The following TFRC variants were observed in gnomAD, a reference collection of about 807,000 sequenced individuals.
TFRC encodes transferrin receptor protein 1.
A neutral mutation model predicts 85.8 loss-of-function variants in TFRC; 35 were observed. That is an observed-to-expected ratio of 0.41 (90% CI 0.31 to 0.54). The LOEUF (loss-of-function observed/expected upper bound fraction) is 0.54, where lower values mean the gene tolerates loss of function less well. TFRC is among the 20% of genes least tolerant of loss of function. The pLI is 0.31. For synonymous variants in TFRC, 362 were observed against 328.6 expected (o/e 1.10, Z -1.10); for missense variants, 828 against 921.5 (o/e 0.90, Z 1.31).
intron 4 of TFRC, 100 bp from the exon 5 acceptor site, chr3:196,072,252 C>T (rs1431044630): frequency 2.1e-5 from 30 of 1,445,000 alleles, no homozygotes; most frequent in Non-Finnish European, 2.6e-5. Context: ...AATATTATCC[C>T]TCATAGTTCA....
At position 196,056,904 on chromosome 3, in the gene TFRC, C is replaced by T. The variant is rs139490327; in HGVS notation, c.1677+1380G>A. On this transcript the variant is annotated intron_variant, in intron 16 of 18. Transcript: ENST00000360110. ...TGGCTCCATCTCAGCTCACTGCAACCTCTGCCTCCCAGGTTCAAGCGATTC... is the reference window on the plus strand; with the variant it reads ...TGGCTCCATCTCAGCTCACTGCAACTTCTGCCTCCCAGGTTCAAGCGATTC... Among the ~76,000 whole-genome samples the T allele has an allele frequency of 9.6e-3, 1,454 of 152,186 alleles. 7 individuals are homozygous for T. The highest frequency in any genetic ancestry group is 0.016 in the Non-Finnish European group (1,063 of 68,002).
rs1341988492 is a variant in TFRC, at chr3:196,065,442, C to T, written c.1198+1G>A. ...CGGGGGGGGGGGGGGGCGGTCTTTA[C>T]CTGGTTCTACAAAGCCTTTAATAAC... On this transcript the variant is annotated splice_donor_variant, in intron 10 of 18. Transcript: ENST00000360110. LOFTEE classifies it high-confidence loss of function. The T allele has an allele frequency of 1.3e-6, 1 of 750,756 alleles. No homozygotes were observed. The highest frequency in any genetic ancestry group is 2.0e-6 in the Non-Finnish European group (1 of 506,504). 46.5% of individuals were successfully genotyped at this position (750,756 alleles called of 1,614,324 possible). A position where few individuals can be genotyped will look rare whatever the true frequency, so the allele number is the denominator to read the frequency against.
intron 1 of TFRC, chr3:196,081,696 G>T (rs1274780139): frequency 1.3e-5 from 2 of 152,406 alleles, no homozygotes; most frequent in South Asian, 2.1e-4. Flanking sequence ...CGACAGTGGG[G>T]GTACACCTGG....
At chr3:196,056,097 C>T (rs944822023) in intron 16 of TFRC, among the ~76,000 whole-genome samples, 2 of 152,218 alleles carry the variant, frequency 1.3e-5, no homozygotes, top group Non-Finnish European at 2.9e-5. Flanking sequence ...CGTGGTGATG[C>T]AATCATGGCT....
chr3:196,076,299 G>C (rs1051699168), intron 2 of TFRC, among the ~76,000 whole-genome samples: 1 of 151,692 alleles, frequency 6.6e-6, no homozygotes, highest in Non-Finnish European at 1.5e-5. Flanking sequence ...TCTACTCAAT[G>C]TTTCTTAAAA....
At chr3:196,071,365 A>G (rs1718187447) in intron 6 of TFRC, 31 bp downstream of exon 6, 2 of 1,537,294 alleles carry the variant, frequency 1.3e-6, no homozygotes, top group Admixed American at 1.7e-5. Flanking sequence ...TCAATAGGGA[A>G]GAGTCTCATG....
intron 2 of TFRC, among the ~76,000 whole-genome samples, chr3:196,075,887 G>T (rs980534324): frequency 1.0e-4 from 15 of 146,240 alleles, no homozygotes; most frequent in African/African-American, 3.7e-4. Context: ...GCACTCTGGG[G>T]GGGGCCGAGG....
At chr3:196,053,766 T>A (rs532016307) in intron 17 of TFRC, among the ~76,000 whole-genome samples, 2 of 152,312 alleles carry the variant, frequency 1.3e-5, no homozygotes, top group Admixed American at 1.3e-4. Flanking sequence ...AGAAAACCAT[T>A]CTCATTAAGA....
chr3:196,066,971 G>C (rs1043353623), intron 9 of TFRC, among the ~76,000 whole-genome samples: 2 of 152,152 alleles, frequency 1.3e-5, no homozygotes, highest in Non-Finnish European at 2.9e-5. Context: ...TAATGGAACT[G>C]GGCTCTGTTT....
At chr3:196,054,741 C>T (rs963379031) in intron 17 of TFRC, among the ~76,000 whole-genome samples, 1 of 152,202 alleles carries the variant, frequency 6.6e-6, no homozygotes, top group African/African-American at 2.4e-5. Flanking sequence ...TGCTGTCTTT[C>T]CATCCGGGTC....
In TFRC at chr3:196,071,511, T is replaced by G. The variant is rs749959938; in HGVS notation, c.585-13A>C. The stretch of plus-strand genomic sequence containing the variant: ...CGAGTTTTGAGCGCTGTTAAAAAGA[T>G]TAAGTTAAAATAAGCCTAAGGTCAT... On this transcript the variant is annotated splice_polypyrimidine_tract_variant and intron_variant, in intron 5 of 18. Coordinates refer to ENST00000360110, the MANE Select transcript of TFRC (RefSeq NM_001128148.3). 1.4e-4 allele frequency: 218 copies of G among 1,612,754 alleles called. 1 individual carries two copies. Among genetic ancestry groups the G allele is most frequent in the Non-Finnish European group, 1.8e-4 (209 of 1,178,928 alleles).
chr3:196,054,446 A>G (rs1025501542), intron 17 of TFRC, among the ~76,000 whole-genome samples: 3 of 152,168 alleles, frequency 2.0e-5, no homozygotes, highest in Admixed American at 6.5e-5. Flanking sequence ...AAAAGATATA[A>G]AAAGATTCGG....
At chr3:196,060,293 T>G in intron 13 of TFRC, 46 bp from the exon 14 acceptor site, 2 of 1,479,538 alleles carry the variant, frequency 1.4e-6, no homozygotes, top group Non-Finnish European at 1.9e-6. Context: ...ATTCCGATAA[T>G]TTTCACACTG....
chr3:196,079,369 T>C (rs1401933507), intron 1 of TFRC, among the ~76,000 whole-genome samples: 1 of 151,950 alleles, frequency 6.6e-6, no homozygotes, highest in East Asian at 1.9e-4. Context: ...AGCAACACTT[T>C]GGGAGGCCGA....
In TFRC at chr3:196,060,256, A is replaced by G. The variant is rs758174928; in HGVS notation, c.1469-9T>C. ...CTTGAAGTTGCTGGTACCTGAAAAT[A>G]AATTGTTTTATCATTGCCCCTTCTC... On this transcript the variant is annotated splice_polypyrimidine_tract_variant and intron_variant, in intron 13 of 18. Coordinates refer to ENST00000360110, the MANE Select transcript of TFRC (RefSeq NM_001128148.3). 7 of 1,613,148 alleles carry G rather than the reference A, an allele frequency of 4.3e-6. No individual in the cohort carries two copies. In the East Asian group the frequency reaches 1.1e-4, roughly 26 times the overall value.
At chr3:196,057,236 AGTTAT>A (rs1469307505) in intron 16 of TFRC, among the ~76,000 whole-genome samples, 1 of 152,208 alleles carries the variant, frequency 6.6e-6, no homozygotes, top group Non-Finnish European at 1.5e-5. Context: ...TGACCTAACC[AGTTAT>A]GTTATCTATA....
rs777181863 is a variant in TFRC at position 196,052,159 on chromosome 3, T to C, written c.2066A>G (p.Tyr689Cys). The stretch of plus-strand genomic sequence containing the variant: ...GAAAGGAGACTCTTTTGGAGATACG[T>C]AGGGAGAGAGGAAGTGATACTCCAC... ...MRVEYHFLSP[Y>C]VSPKESPFRH... The change falls in exon 19 of 19, where the codon TAC (tyrosine) becomes TGC (cysteine). Residue 689 changes from tyrosine to cysteine, a missense_variant. Tyr to Cys is a radical substitution (Grantham distance 194). Transcript: ENST00000360110. 21 of 1,613,818 alleles carry C rather than the reference T, an allele frequency of 1.3e-5. No homozygotes were observed. The highest frequency in any genetic ancestry group is 5.3e-5 in the African/African-American group (4 of 74,858).
At chr3:196,078,944 T>C (rs1271669342) in intron 1 of TFRC, among the ~76,000 whole-genome samples, 1 of 151,892 alleles carries the variant, frequency 6.6e-6, no homozygotes, top group Non-Finnish European at 1.5e-5. Context: ...CAGCTAATTT[T>C]TGTATTTTTA....
intron 3 of TFRC, 141 bp from the exon 4 acceptor site, chr3:196,074,266 C>G: frequency 2.8e-6 from 2 of 704,720 alleles, no homozygotes; most frequent in Middle Eastern, 3.0e-4. Context: ...TAATGCATCT[C>G]AGTTTTGTAT....
Sources: allele counts gnomAD v4.1 joint callset (sites outside exome capture counted in the v4.1 genomes callset), GRCh38; gene constraint gnomAD v4.1.1; transcripts MANE v1.5; gene names NCBI Gene and HGNC (gene_info 2026-07-23, HGNC 2026-07-21).